The following LEF1 variants were observed in gnomAD, a reference collection of about 807,000 sequenced individuals.
LEF1 encodes the protein lymphoid enhancer binding factor 1.
LEF1 carries 14 observed loss-of-function variants against 51.2 expected under a neutral mutation model. The observed-to-expected ratio is 0.27, with a 90% CI of 0.18 to 0.43. The LOEUF (loss-of-function observed/expected upper bound fraction) is 0.43. Among genes scored for constraint, LEF1 ranks in the 20% least tolerant of loss-of-function variants. The pLI is 1.00. For missense variants in LEF1, 386 were observed against 512.0 expected (o/e 0.75, Z 2.37); for synonymous variants, 185 against 183.2 (o/e 1.01, Z -0.08).
intron 3 of LEF1, among the ~76,000 whole-genome samples, chr4:108,157,179 T>TATATACACACACACAC (rs780217431): frequency 4.3e-5 from 5 of 116,740 alleles, no homozygotes; most frequent in African/African-American, 1.6e-4. Flanking sequence ...TATATATATA[T>TATATACACACACACAC]ACACACACAC....
At chr4:108,165,648 A>G (rs546085222) in intron 1 of LEF1, among the ~76,000 whole-genome samples, 30 of 152,344 alleles carry the variant, frequency 2.0e-4, no homozygotes, top group African/African-American at 6.5e-4. Flanking sequence ...TGCGGTCTTA[A>G]GGCAACTGCC....
Position 108,143,258 on chromosome 4 carries a change from G to A in LEF1, c.414+20310C>T, listed in dbSNP as rs1044154810. On this transcript the variant is annotated intron_variant, in intron 3 of 11. Coordinates refer to ENST00000265165, the MANE Select transcript of LEF1 (RefSeq NM_016269.5). ...AGTTTTTATGTTTGTTTCATTTGGG[G>A]TTTGTTTTGCTTTAGAGGAAAGGGT... 2.0e-5 allele frequency among the ~76,000 whole-genome samples: 3 copies of A among 152,230 alleles called. No homozygotes were observed. In the South Asian group the frequency reaches 6.2e-4, roughly 32 times the overall value.
At chr4:108,094,322 T>C (rs532699997) in intron 3 of LEF1, among the ~76,000 whole-genome samples, 1 of 152,344 alleles carries the variant, frequency 6.6e-6, no homozygotes, top group Non-Finnish European at 1.5e-5. Context: ...CCAAGGAAGC[T>C]TGGTTGGCTG....
chr4:108,096,875 C>G (rs1369876250), intron 3 of LEF1, among the ~76,000 whole-genome samples: 1 of 152,130 alleles, frequency 6.6e-6, no homozygotes, highest in Non-Finnish European at 1.5e-5. Context: ...AAATGCAAAT[C>G]AAAACTACCA....
intron 3 of LEF1, among the ~76,000 whole-genome samples, chr4:108,154,443 CAAAAAA>C (rs10672899): frequency 1.9e-4 from 14 of 71,986 alleles, no homozygotes; most frequent in East Asian, 1.5e-3. Context: ...AAGGTAGTAG[CAAAAAA>C]AAAAAAAAAA....
At position 108,166,175 on chromosome 4, in the gene LEF1, C is replaced by T. The variant is rs73839842; in HGVS notation, c.214-1012G>A. On this transcript the variant is annotated intron_variant, in intron 1 of 11. Transcript: ENST00000265165. ...TTTACGCGGGGTTAGGTGCACCCTA[C>T]CCCCGCCCCCAGCCCGCTCAAACTG... 9,261 of 1,273,092 alleles carry T rather than the reference C, an allele frequency of 7.3e-3. 488 individuals carry two copies. The African/African-American group carries it at 0.12, about 16-fold the overall frequency. The allele number at this position is 1,273,092 out of a possible 1,614,324, so 78.9% of individuals were successfully genotyped here.
chr4:108,150,193 C>T (rs1215717383), intron 3 of LEF1, among the ~76,000 whole-genome samples: 6 of 152,192 alleles, frequency 3.9e-5, no homozygotes, highest in Admixed American at 3.9e-4. Flanking sequence ...ATTTTAATTG[C>T]TTGCTGTGCA....
At chr4:108,078,930 C>T (rs548090536) in intron 7 of LEF1, among the ~76,000 whole-genome samples, 2 of 152,324 alleles carry the variant, frequency 1.3e-5, no homozygotes, top group Non-Finnish European at 2.9e-5. Context: ...CTCACCCCCA[C>T]CCTCCCATCC....
At chr4:108,051,207 C>T (rs1198637544) in intron 11 of LEF1, among the ~76,000 whole-genome samples, 1 of 152,092 alleles carries the variant, frequency 6.6e-6, no homozygotes, top group Non-Finnish European at 1.5e-5. Context: ...TTCAGAGAAC[C>T]TCTGTACAGT....
At chr4:108,070,594 T>A in intron 9 of LEF1, 69 bp downstream of exon 9, 4 of 1,052,984 alleles carry the variant, frequency 3.8e-6, no homozygotes, top group Non-Finnish European at 4.4e-6. Context: ...CTAAAACACA[T>A]TTCCTTCTTG....
At chr4:108,135,121 C>T (rs1218273355) in intron 3 of LEF1, among the ~76,000 whole-genome samples, 2 of 152,174 alleles carry the variant, frequency 1.3e-5, no homozygotes, top group Non-Finnish European at 2.9e-5. Context: ...TAGAGGAAGA[C>T]AGGAGTTTTA....
chr4:108,151,493 A>G (rs1156653224), intron 3 of LEF1, among the ~76,000 whole-genome samples: 6 of 152,298 alleles, frequency 3.9e-5, no homozygotes, highest in South Asian at 2.1e-4. Flanking sequence ...TTGAGCCTCA[A>G]TCTGGTACCA....
chr4:108,139,751 G>A (rs886145808), intron 3 of LEF1, among the ~76,000 whole-genome samples: 5 of 152,122 alleles, frequency 3.3e-5, no homozygotes, highest in African/African-American at 1.2e-4. Context: ...AAACAATTGA[G>A]TAAACTAGTT....
rs554650155 is a variant in LEF1, at chr4:108,110,814, C to G, written c.415-21557G>C. ...ACAGAAAATATGCAGAATTCACAGC[C>G]CTTCATGGCTGCTTAGTAAGCACAC... On this transcript the variant is annotated intron_variant, in intron 3 of 11. Transcript: ENST00000265165. Among the ~76,000 whole-genome samples, 330 of 152,300 alleles carry G rather than the reference C, an allele frequency of 2.2e-3. 1 individual carries two copies. Among genetic ancestry groups the G allele is most frequent in the African/African-American group, 7.7e-3 (321 of 41,552 alleles).
At chr4:108,078,581 T>C (rs1578315815) in intron 7 of LEF1, 199 bp from the exon 8 acceptor site, 2 of 617,912 alleles carry the variant, frequency 3.2e-6, no homozygotes, top group East Asian at 2.8e-5. Context: ...ACCCATCCAA[T>C]AGGGCTTCCT....
chr4:108,069,384 C>T (rs750990105), intron 9 of LEF1, among the ~76,000 whole-genome samples: 3 of 152,134 alleles, frequency 2.0e-5, no homozygotes, highest in Admixed American at 6.6e-5. Flanking sequence ...AAAGTCTTTG[C>T]CCTATCAAGA....
At chr4:108,151,141 C>A (rs908464103) in intron 3 of LEF1, among the ~76,000 whole-genome samples, 2 of 152,090 alleles carry the variant, frequency 1.3e-5, no homozygotes, top group Non-Finnish European at 2.9e-5. Flanking sequence ...AAACTGGCTT[C>A]TCTTTCCAAA....
chr4:108,083,105 A>G, intron 5 of LEF1: 1 of 492,014 alleles, frequency 2.0e-6, no homozygotes, highest in Non-Finnish European at 3.6e-6. Context: ...AAGGGAATCC[A>G]TAAAACTATA....
intron 3 of LEF1, chr4:108,104,747 C>T (rs1245298211): frequency 1.1e-6 from 1 of 938,778 alleles, no homozygotes; most frequent in Non-Finnish European, 1.3e-6. Context: ...GGCAAAAGGG[C>T]TGTTATTAGT....
Sources: gnomAD v4.1 joint callset for allele counts (sites outside exome capture counted in the v4.1 genomes callset) on GRCh38, gnomAD v4.1.1 for gene constraint, MANE v1.5 for transcripts, NCBI Gene and HGNC (gene_info 2026-07-23, HGNC 2026-07-21) for gene names.